Variants in CD109 observed in about 807,000 individuals in gnomAD.
The protein encoded by CD109 is CD109 antigen.
CD109 carries 149 observed loss-of-function variants against 165.8 expected under a neutral mutation model. The observed-to-expected ratio is 0.90, with a 90% CI of 0.79 to 1.03. The LOEUF is 1.03. Ranked by LOEUF, CD109 falls within the 50% of genes least tolerant of loss-of-function variation. The pLI is 0.00. For missense variants in CD109, 1,712 were observed against 1,677.8 expected (o/e 1.02, Z -0.36); for synonymous variants, 585 against 592.1 (o/e 0.99, Z 0.18).
rs772964075 is a variant in CD109 at position 73,783,813 on chromosome 6, A to T, written c.2212A>T (p.Thr738Ser). 8 of 1,573,216 alleles carry T rather than the reference A, an allele frequency of 5.1e-6. No individual in the cohort carries two copies. Among genetic ancestry groups the T allele is most frequent in the Non-Finnish European group, 7.0e-6 (8 of 1,143,926 alleles). Residue 738 changes from threonine to serine, a missense_variant, in exon 19 of 33, where the codon ACT becomes TCT. Coordinates refer to ENST00000287097, the MANE Select transcript of CD109 (RefSeq NM_133493.5). ...GGACCTGGGTCTTGGACTAACAACT[A>T]CTCCAGTGGAGGTATTGTATTAAAG... The part of the protein sequence containing the change: ...SEDLGLGLTT[T>S]PVELQAFQPF...
intron 15 of CD109, among the ~76,000 whole-genome samples, chr6:73,773,597 G>A (rs189990454): frequency 1.1e-4 from 17 of 152,176 alleles, no homozygotes; most frequent in Non-Finnish European, 2.5e-4. Context: ...GTTACAAACT[G>A]TACCCATATT....
chr6:73,818,364 A>G (rs1776005802), intron 30 of CD109, 24 bp from the exon 31 acceptor site: 1 of 1,612,542 alleles, frequency 6.2e-7, no homozygotes, highest in African/African-American at 1.3e-5. Context: ...AGGAGTTTTC[A>G]TTCATCCTCC....
intron 23 of CD109, among the ~76,000 whole-genome samples, chr6:73,801,026 T>C (rs553586169): frequency 5.4e-4 from 82 of 152,318 alleles, no homozygotes; most frequent in African/African-American, 1.9e-3. Flanking sequence ...TTAGAGAGCC[T>C]TCCTCTACAC....
intron 5 of CD109, among the ~76,000 whole-genome samples, chr6:73,744,834 A>G (rs975471765): frequency 1.4e-4 from 21 of 152,164 alleles, no homozygotes; most frequent in Admixed American, 1.2e-3. Context: ...TTGGGGCCAG[A>G]CTTTAGGATG....
chr6:73,813,767 T>C (rs934642942), intron 29 of CD109, among the ~76,000 whole-genome samples: 1 of 152,136 alleles, frequency 6.6e-6, no homozygotes, highest in African/African-American at 2.4e-5. Flanking sequence ...TTGCCAAATG[T>C]AAACCCTAAT....
chr6:73,776,038 A>G (rs1203028771), intron 15 of CD109, among the ~76,000 whole-genome samples: 2 of 152,244 alleles, frequency 1.3e-5, no homozygotes, highest in Non-Finnish European at 2.9e-5. Context: ...ATACCCAATA[A>G]TGGGATTGCT....
Position 73,740,603 on chromosome 6 carries a change from CT to C in CD109, c.633+4109del, listed in dbSNP as rs776790429. On this transcript the variant is annotated intron_variant, in intron 5 of 32. Transcript: ENST00000287097. Reference sequence around the variant, plus strand: ...ATTTCTAGTTTTCTTTTCTTTCTTTCTTTTTTTTTTTTTTCGAGACAGAGTC... The same window carrying C: ...ATTTCTAGTTTTCTTTTCTTTCTTTCTTTTTTTTTTTTTCGAGACAGAGTC... Among the ~76,000 whole-genome samples the C allele has an allele frequency of 4.3e-3, 485 of 111,870 alleles. 2 individuals carry two copies. Among genetic ancestry groups the C allele is most frequent in the African/African-American group, 0.012 (359 of 31,004 alleles). 73.4% of individuals were successfully genotyped at this position (111,870 alleles called of 152,430 possible). A position where few individuals can be genotyped will look rare whatever the true frequency, so the allele number is the denominator to read the frequency against.
chr6:73,687,418 C>A, the CD109 span, among the ~76,000 whole-genome samples: 1 of 151,418 alleles, frequency 6.6e-6, no homozygotes, highest in Non-Finnish European at 1.5e-5. Flanking sequence ...CTTTCACATG[C>A]ATGCTCTCTC....
At chr6:73,723,320 G>T (rs1224458196) in intron 3 of CD109, 41 bp downstream of exon 3, 1 of 1,377,436 alleles carries the variant, frequency 7.3e-7, no homozygotes, top group Middle Eastern at 1.8e-4. Context: ...GAAATATATT[G>T]TATCAGTGAA....
intron 15 of CD109, among the ~76,000 whole-genome samples, chr6:73,778,929 A>G (rs1024543828): frequency 6.6e-6 from 1 of 152,196 alleles, no homozygotes; most frequent in Non-Finnish European, 1.5e-5. Flanking sequence ...TTAAATATAT[A>G]TAAAATAAAA....
chr6:73,742,579 G>A (rs927754518), intron 5 of CD109, among the ~76,000 whole-genome samples: 1 of 152,220 alleles, frequency 6.6e-6, no homozygotes, highest in African/African-American at 2.4e-5. Flanking sequence ...CGTGACCCAC[G>A]CACTGGTGCT....
At chr6:73,787,985 T>A (rs1315107873) in intron 21 of CD109, among the ~76,000 whole-genome samples, 1 of 152,230 alleles carries the variant, frequency 6.6e-6, no homozygotes, top group African/African-American at 2.4e-5. Flanking sequence ...GTTTTTTTCC[T>A]TACATTTTCA....
chr6:73,695,239 G>A (rs1770776946), upstream of CD109: 1 of 152,216 alleles, frequency 6.6e-6, no homozygotes, highest in East Asian at 1.9e-4. Context: ...CTGCTTTTAT[G>A]GTGTAGTCAT....
chr6:73,818,358 GT>G, intron 30 of CD109, 29 bp from the exon 31 acceptor site: 1 of 1,612,802 alleles, frequency 6.2e-7, no homozygotes, highest in Non-Finnish European at 8.5e-7. Context: ...TTCCTGAGGA[GT>G]TTTCATTCAT....
rs1774544720 is a variant in CD109 at position 73,782,531 on chromosome 6, T to C, written c.1964-83T>C. The C allele has an allele frequency of 1.5e-5, 20 of 1,341,570 alleles. No individual in the cohort carries two copies. In the East Asian group the frequency reaches 4.4e-4, roughly 30 times the overall value. The allele number at this position is 1,341,570 out of a possible 1,614,324, so 83.1% of individuals were successfully genotyped here. A position where few individuals can be genotyped will look rare whatever the true frequency, so the allele number is the denominator to read the frequency against. ...TTATGTCTCTGGACACCTCAAGTGA[T>C]TGACATTCATTTTGTATGTGGAGTT... On this transcript the variant is annotated intron_variant, in intron 17 of 32. Coordinates refer to ENST00000287097, the MANE Select transcript of CD109 (RefSeq NM_133493.5).
At chr6:73,816,786 A>G (rs577391433) in intron 30 of CD109, among the ~76,000 whole-genome samples, 2 of 152,202 alleles carry the variant, frequency 1.3e-5, no homozygotes, top group East Asian at 3.8e-4. Flanking sequence ...GAAGACCCTC[A>G]TGGAGTTAAG....
chr6:73,785,293 T>A (rs1320563067), intron 19 of CD109, 71 bp from the exon 20 acceptor site: 2 of 780,796 alleles, frequency 2.6e-6, no homozygotes, highest in African/African-American at 1.8e-5. Flanking sequence ...TTATAAAGAT[T>A]GCATTTAATT....
In CD109 at chr6:73,730,414, T is replaced by C. The variant is rs762131867; in HGVS notation, c.347T>C (p.Phe116Ser). Reference protein sequence around the residue: ...VTGRTQDEILFSNSTRLSFET... With the variant: ...VTGRTQDEILSSNSTRLSFET... ...GGACGTACCCAGGATGAGATTTTAT[T>C]CTCTAATAGTACCCGCTTATCATTT... Residue 116 changes from phenylalanine (F) to serine (S), a missense_variant, in exon 4 of 33, where the codon TTC becomes TCC. By Grantham distance (155) the Phe-to-Ser change is radical (BLOSUM62 -2). Transcript: ENST00000287097. 6.2e-7 allele frequency: 1 copy of C among 1,613,946 alleles called. No individual in the cohort carries two copies. The highest frequency in any genetic ancestry group is 1.1e-5 in the South Asian group (1 of 91,066).
chr6:73,778,449 A>G (rs1010455267), intron 15 of CD109, among the ~76,000 whole-genome samples: 6 of 152,172 alleles, frequency 3.9e-5, no homozygotes, highest in Admixed American at 3.9e-4. Flanking sequence ...TATGTTGAAT[A>G]GGAGCGGTGA....
Sources: allele counts gnomAD v4.1 joint callset (sites outside exome capture counted in the v4.1 genomes callset), GRCh38; gene constraint gnomAD v4.1.1; transcripts MANE v1.5; gene names NCBI Gene and HGNC (gene_info 2026-07-23, HGNC 2026-07-21).